The following TMSB15B variants were observed in gnomAD, a reference collection of about 807,000 sequenced individuals.
TMSB15B encodes thymosin beta 15B, also known as thymosin beta-15B.
At chrX:103,924,298 A>G (rs1201862144) in intron 1 of TMSB15B, among the ~76,000 whole-genome samples, 2 of 110,255 alleles carry the variant, frequency 1.8e-5, no homozygotes, top group African/African-American at 3.3e-5. Context: ...CCCATGCACA[A>G]CTCACACTTT....
At chrX:103,941,828 T>C (rs1481334685) in intron 1 of TMSB15B, among the ~76,000 whole-genome samples, 1 of 112,140 alleles carries the variant, frequency 8.9e-6, no homozygotes, top group Non-Finnish European at 1.9e-5. Flanking sequence ...GCCTATCTAA[T>C]GGGTGTAAAT....
chrX:103,936,678 A>G (rs1319978943), intron 1 of TMSB15B, among the ~76,000 whole-genome samples: 1 of 112,070 alleles, frequency 8.9e-6, no homozygotes, highest in Non-Finnish European at 1.9e-5. Flanking sequence ...AACTTCCAAT[A>G]CTGTGTTGAA....
At position 103,950,742 on chromosome X, in the gene TMSB15B, TTG is replaced by T. The variant is rs782490575; in HGVS notation, c.-720-11271_-720-11270del. Among the ~76,000 whole-genome samples the T allele has an allele frequency of 5.4e-5, 6 of 110,426 alleles. No individual in the cohort carries two copies. In the South Asian group the frequency reaches 2.3e-3, roughly 43 times the overall value. On this transcript the variant is annotated intron_variant, in intron 1 of 3. Coordinates refer to the TMSB15B transcript ENST00000419165. ...TATACAGTGTACATATGATGAATAT[TTG>T]TGTGTGTTATATAATAAAGATGAGA...
At chrX:103,944,459 A>G (rs782217521) in intron 1 of TMSB15B, among the ~76,000 whole-genome samples, 23 of 112,570 alleles carry the variant, frequency 2.0e-4, no homozygotes, top group South Asian at 1.1e-3. Flanking sequence ...GTGCAAAACA[A>G]CAAGGTGGGA....
At chrX:103,953,112 A>G (rs1556328569) in intron 1 of TMSB15B, among the ~76,000 whole-genome samples, 1 of 111,752 alleles carries the variant, frequency 8.9e-6, no homozygotes. Context: ...CCCAGGTGCA[A>G]CACAAAGCCA....
chrX:103,950,600 G>A, intron 1 of TMSB15B, among the ~76,000 whole-genome samples: 1 of 108,877 alleles, frequency 9.2e-6, no homozygotes, highest in Non-Finnish European at 1.9e-5. Context: ...TGGGAAAGTG[G>A]AGCCAAGAGA....
chrX:103,926,216 C>T (rs1360161477), intron 1 of TMSB15B, among the ~76,000 whole-genome samples: 7 of 109,547 alleles, frequency 6.4e-5, no homozygotes, highest in Non-Finnish European at 1.3e-4. Context: ...TGGTGATGGG[C>T]TGAGTACAGG....
Position 103,947,956 on chromosome X carries a change from G to A in TMSB15B, c.-720-14065G>A, listed in dbSNP as rs782307855. Among the ~76,000 whole-genome samples the A allele has an allele frequency of 9.9e-5, 11 of 111,260 alleles. No homozygotes were observed. In the East Asian group the frequency reaches 1.7e-3, roughly 17 times the overall value. ...ATACAGGAACAGAAAACCAAACACC[G>A]CATGTTCTCACCCATAAGTGAGAGT... On this transcript the variant is annotated intron_variant, in intron 1 of 3. Transcript: ENST00000419165.
In TMSB15B at chrX:103,928,663, A is replaced by G. The variant is rs782585438; in HGVS notation, c.-721+9371A>G. ...CCTGGCCAGGAACAGCCTGGGGAGCACTCTATATTTTTCTTTCCAGGACCC... is the reference window on the plus strand; with the variant it reads ...CCTGGCCAGGAACAGCCTGGGGAGCGCTCTATATTTTTCTTTCCAGGACCC... On this transcript the variant is annotated intron_variant, in intron 1 of 3. Transcript: ENST00000419165. The G allele has an allele frequency of 9.5e-5, 110 of 1,152,794 alleles. No homozygotes were observed. The East Asian group carries it at 3.1e-3, about 32-fold the overall frequency.
At chrX:103,929,221 G>A (rs781817305) in intron 1 of TMSB15B, among the ~76,000 whole-genome samples, 3,249 of 111,970 alleles carry the variant, frequency 0.029, 67 homozygotes, top group Admixed American at 0.058. Context: ...AGAAACGTTC[G>A]CCCCAGTCTC....
At chrX:103,951,411 T>A (rs1372827383) in intron 1 of TMSB15B, among the ~76,000 whole-genome samples, 2 of 111,714 alleles carry the variant, frequency 1.8e-5, no homozygotes, top group African/African-American at 6.5e-5. Flanking sequence ...AGTGGAAGAA[T>A]TAGTTAGGAT....
At chrX:103,923,790 G>T (rs1344952699) in intron 1 of TMSB15B, among the ~76,000 whole-genome samples, 1 of 111,184 alleles carries the variant, frequency 9.0e-6, no homozygotes, top group Non-Finnish European at 1.9e-5. Context: ...AAATTACCTT[G>T]GGCAGTATGG....
intron 1 of TMSB15B, among the ~76,000 whole-genome samples, chrX:103,954,309 T>C (rs2075045988): frequency 8.9e-6 from 1 of 111,999 alleles, no homozygotes; most frequent in Admixed American, 9.4e-5. Context: ...GAGCACTCCT[T>C]GGTCTGCTGT....
At chrX:103,931,687 G>C (rs2074985270) in intron 1 of TMSB15B, 1 of 112,284 alleles carries the variant, frequency 8.9e-6, no homozygotes, top group Non-Finnish European at 1.9e-5. Context: ...CTGTTTCCTG[G>C]CATGCAACTC....
chrX:103,950,060 T>G, intron 1 of TMSB15B, among the ~76,000 whole-genome samples: 1 of 111,195 alleles, frequency 9.0e-6, no homozygotes, highest in East Asian at 2.8e-4. Flanking sequence ...AATTGATCAT[T>G]GTATTGAACA....
At chrX:103,939,834 G>A (rs782212828) in intron 1 of TMSB15B, among the ~76,000 whole-genome samples, 1 of 111,800 alleles carries the variant, frequency 8.9e-6, no homozygotes, top group African/African-American at 3.3e-5. Flanking sequence ...CCTTCGAATT[G>A]AGTTTTTGCG....
At chrX:103,949,898 A>G (rs1447862648) in intron 1 of TMSB15B, among the ~76,000 whole-genome samples, 3 of 111,586 alleles carry the variant, frequency 2.7e-5, no homozygotes, top group Non-Finnish European at 5.7e-5. Flanking sequence ...GGTTTGGAAG[A>G]AGAGGGGCCA....
At chrX:103,949,165 C>T (rs1391656830) in intron 1 of TMSB15B, among the ~76,000 whole-genome samples, 1 of 110,993 alleles carries the variant, frequency 9.0e-6, no homozygotes, top group Non-Finnish European at 1.9e-5. Context: ...ACAGCTGTGG[C>T]AGAATGAGGA....
At chrX:103,923,945 T>A (rs1241246325) in intron 1 of TMSB15B, among the ~76,000 whole-genome samples, 1 of 111,612 alleles carries the variant, frequency 9.0e-6, no homozygotes, top group African/African-American at 3.3e-5. Flanking sequence ...ATTCCTAGTA[T>A]TATCTGATTT....
Sources: allele counts gnomAD v4.1 joint callset (sites outside exome capture counted in the v4.1 genomes callset), GRCh38; gene constraint gnomAD v4.1.1; transcripts MANE v1.5; gene names NCBI Gene and HGNC (gene_info 2026-07-23, HGNC 2026-07-21).